GABPB2: variants seen among roughly 807,000 people sequenced by gnomAD.
GABPB2 encodes GA binding protein transcription factor subunit beta 2, also known as GA-binding protein subunit beta-2.
Under a neutral mutation model 39.1 loss-of-function variants are expected in GABPB2, and 23 were observed. The ratio of observed to expected loss-of-function variants is 0.59; its 90% CI spans 0.42 to 0.83. The LOEUF (loss-of-function observed/expected upper bound fraction) is 0.83. Ranked by LOEUF, GABPB2 falls within the 40% of genes least tolerant of loss-of-function variation. The probability of loss-of-function intolerance (pLI) is 0.00; values close to 1 mark genes in which losing one functional copy is unlikely to be tolerated. For missense variants in GABPB2, 467 were observed against 541.1 expected, an observed-to-expected ratio of 0.86 and a Z score of 1.36; for synonymous variants, 184 against 199.3, an observed-to-expected ratio of 0.92 and a Z score of 0.65.
In GABPB2 at chr1:151,083,655, T is replaced by TTATATA. The variant is rs57774210; in HGVS notation, c.1-4525_1-4520dup. ...TCTCTATAGAGAGAAAAAAAAAAAA[T>TTATATA]TATATATATATATATGTATATATAC... is the stretch of plus-strand genomic sequence containing the variant. On this transcript the variant is annotated intron_variant, in intron 1 of 8. Transcript: ENST00000368918. Among the ~76,000 whole-genome samples the TTATATA allele has an allele frequency of 1.8e-3, 265 of 145,622 alleles. 2 individuals carry two copies. Among genetic ancestry groups the TTATATA allele is most frequent in the African/African-American group, 6.5e-3 (241 of 37,232 alleles).
At chr1:151,078,670 C>A (rs1490292282) in intron 1 of GABPB2, among the ~76,000 whole-genome samples, 1 of 152,114 alleles carries the variant, frequency 6.6e-6, no homozygotes, top group African/African-American at 2.4e-5. Flanking sequence ...GAGACAGTCT[C>A]GCTCTGTTAC....
Position 151,071,453 on chromosome 1 carries a change from CT to C in GABPB2, c.-1+535del, listed in dbSNP as rs71090124. Among the ~76,000 whole-genome samples, 35 of 100,524 alleles carry C rather than the reference CT, an allele frequency of 3.5e-4. 1 individual carries two copies. In the South Asian group the frequency reaches 3.8e-3, roughly 11 times the overall value. The allele number at this position is 100,524 out of a possible 152,430, so 65.9% of individuals were successfully genotyped here. A position where few individuals can be genotyped will look rare whatever the true frequency, so the allele number is the denominator to read the frequency against. Reference sequence around the variant, plus strand: ...CGGGCCCCGCCTCTGCTTTTTTGCTCTTTTTTTTTTTTTTTTCAAAACTGAG... The same window carrying C: ...CGGGCCCCGCCTCTGCTTTTTTGCTCTTTTTTTTTTTTTTTCAAAACTGAG... On this transcript the variant is annotated intron_variant, in intron 1 of 8. Coordinates refer to ENST00000368918, the MANE Select transcript of GABPB2 (RefSeq NM_144618.3).
chr1:151,090,367 G>A, intron 2 of GABPB2, 39 bp from the exon 3 acceptor site: 1 of 1,588,658 alleles, frequency 6.3e-7, no homozygotes, highest in Non-Finnish European at 8.6e-7. Flanking sequence ...CTAGGACTCT[G>A]CACACAGTGG....
intron 1 of GABPB2, among the ~76,000 whole-genome samples, chr1:151,076,405 A>G (rs1677170282): frequency 6.6e-6 from 1 of 152,122 alleles, no homozygotes; most frequent in Non-Finnish European, 1.5e-5. Context: ...AAAAAACTTA[A>G]AAACAACTGA....
Position 151,121,917 on chromosome 1 carries a change from A to T in GABPB2, c.*3661A>T, listed in dbSNP as rs989646181. 1 of 152,188 alleles carries T rather than the reference A, an allele frequency of 6.6e-6. No individual in the cohort carries two copies. Among genetic ancestry groups the T allele is most frequent in the Non-Finnish European group, 1.5e-5 (1 of 68,030 alleles). The allele number at this position is 152,188 out of a possible 1,614,324, so 9.4% of individuals were successfully genotyped here. A position where few individuals can be genotyped will look rare whatever the true frequency, so the allele number is the denominator to read the frequency against. ...ATAAATTAGAAGAAACCAGAGGGAGATGTGCCAAGTAAACATTCGAATGAC... is the reference window on the plus strand; with the variant it reads ...ATAAATTAGAAGAAACCAGAGGGAGTTGTGCCAAGTAAACATTCGAATGAC... On this transcript the variant is annotated 3_prime_UTR_variant, in exon 9 of 9. Coordinates refer to ENST00000368918, the MANE Select transcript of GABPB2 (RefSeq NM_144618.3).
In GABPB2 at chr1:151,080,225, A is replaced by C. The variant is rs587647788; in HGVS notation, c.1-7965A>C. On this transcript the variant is annotated intron_variant, in intron 1 of 8. Coordinates refer to ENST00000368918, the MANE Select transcript of GABPB2 (RefSeq NM_144618.3). ...AGCCAAACTCCATCTCAAAAAAAAA[A>C]AAAAAAAAAAAAAAAAAAACAATAA... is the stretch of plus-strand genomic sequence containing the variant. Among the ~76,000 whole-genome samples, 175 of 141,464 alleles carry C rather than the reference A, an allele frequency of 1.2e-3. 5 individuals are homozygous for C. The highest frequency in any genetic ancestry group is 4.9e-3 in the African/African-American group (167 of 33,794). 92.8% of individuals were successfully genotyped at this position (141,464 alleles called of 152,430 possible).
chr1:151,117,570 G>A (rs1000220535), intron 8 of GABPB2, 54 bp downstream of exon 8: 12 of 1,557,856 alleles, frequency 7.7e-6, no homozygotes, highest in Non-Finnish European at 1.1e-5. Flanking sequence ...ATTAAGGCCT[G>A]AACCCTTCTT....
chr1:151,104,775 C>CTCTTTCTTTCTTTCTTTCTTTCTT (rs1553266329), intron 6 of GABPB2, among the ~76,000 whole-genome samples: 1 of 53,414 alleles, frequency 1.9e-5, no homozygotes. Context: ...CTTTCTTTCT[C>CTCTTTCTTTCTTTCTTTCTTTCTT]TCTTTCTTTC....
chr1:151,077,928 G>C (rs1677319578), intron 1 of GABPB2, among the ~76,000 whole-genome samples: 1 of 151,572 alleles, frequency 6.6e-6, no homozygotes, highest in African/African-American at 2.4e-5. Flanking sequence ...CTCCAGCCTG[G>C]GCAACAGAGC....
At position 151,118,367 on chromosome 1, in the gene GABPB2, T is replaced by C; in HGVS notation, c.*111T>C. ...CTAAGAGTGTCTTTAAGAAGAAAAC[T>C]ATAGCAGGGTACAATGCTTGGGCTC... On this transcript the variant is annotated 3_prime_UTR_variant, in exon 9 of 9. Coordinates refer to ENST00000368918, the MANE Select transcript of GABPB2 (RefSeq NM_144618.3). The C allele has an allele frequency of 9.7e-7, 1 of 1,033,110 alleles. No homozygotes were observed. Among genetic ancestry groups the C allele is most frequent in the Non-Finnish European group, 1.4e-6 (1 of 719,080 alleles). The allele number at this position is 1,033,110 out of a possible 1,614,324, so 64.0% of individuals were successfully genotyped here.
chr1:151,073,126 C>T (rs1019251101), intron 1 of GABPB2: 1 of 152,040 alleles, frequency 6.6e-6, no homozygotes, highest in Non-Finnish European at 1.5e-5. Flanking sequence ...GCTATCCTCC[C>T]GCCTTAGCCT....
intron 3 of GABPB2, among the ~76,000 whole-genome samples, chr1:151,092,918 C>G (rs1450121047): frequency 1.3e-5 from 2 of 152,146 alleles, no homozygotes; most frequent in East Asian, 3.8e-4. Flanking sequence ...ACTTGGCTTT[C>G]TGTTAATAAA....
chr1:151,074,222 G>A lies in GABPB2; in HGVS notation c.-1+3288G>A, dbSNP rs587646593. ...GATCTCCTGACCTCGTGATTCTCCC[G>A]CCTCAGCCTCCCAAAGTGCTAGGAT... On this transcript the variant is annotated intron_variant, in intron 1 of 8. Coordinates refer to ENST00000368918, the MANE Select transcript of GABPB2 (RefSeq NM_144618.3). 6.7e-5 allele frequency among the ~76,000 whole-genome samples: 10 copies of A among 148,284 alleles called. 1 individual carries two copies. Among genetic ancestry groups the A allele is most frequent in the Non-Finnish European group, 1.0e-4 (7 of 67,086 alleles).
chr1:151,078,695 A>G (rs1475323384), intron 1 of GABPB2, among the ~76,000 whole-genome samples: 1 of 151,932 alleles, frequency 6.6e-6, no homozygotes, highest in East Asian at 1.9e-4. Context: ...GCTGGAGGGC[A>G]GTGGCACAAT....
At chr1:151,080,497 G>A (rs1278028305) in intron 1 of GABPB2, among the ~76,000 whole-genome samples, 1 of 149,490 alleles carries the variant, frequency 6.7e-6, no homozygotes, top group Non-Finnish European at 1.5e-5. Context: ...GGCAACAAGA[G>A]CAAAACTCCA....
intron 1 of GABPB2, among the ~76,000 whole-genome samples, chr1:151,075,826 TG>T (rs1474641993): frequency 6.6e-6 from 1 of 152,144 alleles, no homozygotes; most frequent in African/African-American, 2.4e-5. Context: ...CTATGCAAGA[TG>T]GAGTTGCTCT....
At chr1:151,104,801 CT>C (rs1553266365) in intron 6 of GABPB2, among the ~76,000 whole-genome samples, 5,169 of 19,202 alleles carry the variant, frequency 0.27, 327 homozygotes, top group African/African-American at 0.38. Context: ...TTCTTTCTTT[CT>C]TTTCTTTCTT....
At chr1:151,086,512 A>G (rs1473429121) in intron 1 of GABPB2, among the ~76,000 whole-genome samples, 1 of 152,196 alleles carries the variant, frequency 6.6e-6, no homozygotes, top group Non-Finnish European at 1.5e-5. Context: ...ACATGGAAAA[A>G]GAAAAAAGGC....
At position 151,097,944 on chromosome 1, in the gene GABPB2, G is replaced by A. The variant is rs746084688; in HGVS notation, c.564G>A (p.Ser188=). The part of the protein sequence containing the change: ...VSMAAPFIFT[S]GEVVNLASLI... The stretch of plus-strand genomic sequence containing the variant: ...TGGCTGCTCCATTCATCTTCACGTC[G>A]GGTGAGGTTGTTAACCTCGCAAGCC... The change falls in exon 5 of 9, where the codon TCG becomes TCA. Residue 188 remains serine, a synonymous_variant. Transcript: ENST00000368918. The A allele has an allele frequency of 1.5e-5, 25 of 1,613,822 alleles. No homozygotes were observed. The highest frequency in any genetic ancestry group is 2.2e-5 in the East Asian group (1 of 44,888).
Sources: gnomAD v4.1 joint callset for allele counts (sites outside exome capture counted in the v4.1 genomes callset) on GRCh38, gnomAD v4.1.1 for gene constraint, MANE v1.5 for transcripts, NCBI Gene and HGNC (gene_info 2026-07-23, HGNC 2026-07-21) for gene names.